Variants in OXR1 observed in about 807,000 individuals in gnomAD.
OXR1 encodes oxidation resistance 1.
In OXR1, 41 loss-of-function variants were observed where a neutral mutation model predicts 104.6. The ratio of observed to expected loss-of-function variants is 0.39; its 90% CI spans 0.31 to 0.51. The LOEUF (loss-of-function observed/expected upper bound fraction) is 0.51, where lower values mean the gene tolerates loss of function less well. OXR1 is among the 20% of genes least tolerant of loss of function. The pLI is 0.77. For synonymous variants in OXR1, 348 were observed against 348.4 expected (o/e 1.00, Z 0.01); for missense variants, 955 against 1,031.9 (o/e 0.93, Z 1.02).
chr8:106,355,331 A>C (rs527627175), intron 1 of OXR1, among the ~76,000 whole-genome samples: 6 of 152,284 alleles, frequency 3.9e-5, no homozygotes, highest in Non-Finnish European at 7.4e-5. Flanking sequence ...TGAACAAAAA[A>C]TTTAAACTTA....
chr8:106,303,542 C>T (rs1289005572), intron 1 of OXR1, among the ~76,000 whole-genome samples: 2 of 151,972 alleles, frequency 1.3e-5, no homozygotes, highest in African/African-American at 2.4e-5. Context: ...CCGGCCGGAA[C>T]TTGGCAATTT....
intron 3 of OXR1, chr8:106,618,316 T>C: frequency 1.3e-6 from 1 of 773,096 alleles, no homozygotes; most frequent in Non-Finnish European, 2.2e-6. Context: ...GACGATGCAG[T>C]TGGAGGTTCT....
At chr8:106,369,307 A>C (rs1816610297) in intron 2 of OXR1, among the ~76,000 whole-genome samples, 1 of 152,252 alleles carries the variant, frequency 6.6e-6, no homozygotes, top group African/African-American at 2.4e-5. Context: ...GACCTTTGTC[A>C]GATGGGTAGA....
intron 1 of OXR1, among the ~76,000 whole-genome samples, chr8:106,288,732 A>G (rs1231737212): frequency 6.8e-6 from 1 of 147,768 alleles, no homozygotes; most frequent in Non-Finnish European, 1.5e-5. Flanking sequence ...ATATATAAAT[A>G]TATAGAGAGA....
intron 6 of OXR1, among the ~76,000 whole-genome samples, chr8:106,685,694 A>AT: frequency 6.7e-6 from 1 of 150,188 alleles, no homozygotes; most frequent in African/African-American, 2.5e-5. Flanking sequence ...CCTGGGATAG[A>AT]TTAAAAAAAA....
intron 2 of OXR1, among the ~76,000 whole-genome samples, chr8:106,492,370 C>T (rs982608431): frequency 7.9e-5 from 12 of 152,256 alleles, no homozygotes; most frequent in Admixed American, 3.3e-4. Context: ...GCTAAAACTT[C>T]GGGTAAAGTG....
chr8:106,739,370 A>C, intron 12 of OXR1, 88 bp from the exon 13 acceptor site: 10 of 1,158,456 alleles, frequency 8.6e-6, no homozygotes, highest in Middle Eastern at 2.2e-4. Context: ...TTTCTACGAT[A>C]TAAAGCTTTA....
At chr8:106,618,215 A>G (rs753501338) in intron 3 of OXR1, 11 of 1,510,806 alleles carry the variant, frequency 7.3e-6, no homozygotes, top group South Asian at 2.4e-5. Context: ...GTGGCTTTAA[A>G]TAAGTTATTT....
intron 3 of OXR1, among the ~76,000 whole-genome samples, chr8:106,534,465 A>G (rs997801784): frequency 2.6e-5 from 4 of 152,272 alleles, no homozygotes; most frequent in African/African-American, 9.6e-5. Context: ...ATACTATAAA[A>G]GAAATGACCA....
chr8:106,310,079 C>T lies in OXR1; in HGVS notation c.-139+39712C>T, dbSNP rs748137743. ...GGAATGATTTTAAATATATATTTTC[C>T]TATATTTTTCAGTTAGTCATAAATT... On this transcript the variant is annotated intron_variant, in intron 1 of 16. Coordinates refer to ENST00000517566, the MANE Select transcript of OXR1 (RefSeq NM_001198533.2). Among the ~76,000 whole-genome samples, 683 of 151,658 alleles carry T rather than the reference C, an allele frequency of 4.5e-3. 3 individuals are homozygous for T. The highest frequency in any genetic ancestry group is 6.1e-3 in the Non-Finnish European group (417 of 67,880).
chr8:106,551,159 T>C (rs1392468009), intron 3 of OXR1, among the ~76,000 whole-genome samples: 2 of 152,216 alleles, frequency 1.3e-5, no homozygotes, highest in South Asian at 2.1e-4. Context: ...AGCAGTTACA[T>C]TTTAAAATAA....
At position 106,446,845 on chromosome 8, in the gene OXR1, T is replaced by A. The variant is rs551872060; in HGVS notation, c.24-72098T>A. ...TACTCTGGAGGCTGAAACAGGAAGATCACTTGAGAGGCTGAGTCTGCAGTG... is the reference window on the plus strand; with the variant it reads ...TACTCTGGAGGCTGAAACAGGAAGAACACTTGAGAGGCTGAGTCTGCAGTG... On this transcript the variant is annotated intron_variant, in intron 2 of 16. Transcript: ENST00000517566. Among the ~76,000 whole-genome samples, 4 of 152,090 alleles carry A rather than the reference T, an allele frequency of 2.6e-5. No individual in the cohort carries two copies. In the East Asian group the frequency reaches 7.8e-4, roughly 29 times the overall value.
At chr8:106,392,310 C>T (rs1455744372) in intron 2 of OXR1, among the ~76,000 whole-genome samples, 2 of 152,084 alleles carry the variant, frequency 1.3e-5, no homozygotes, top group Non-Finnish European at 1.5e-5. Context: ...AAGAGGACTG[C>T]GTTTGAGAGG....
At chr8:106,385,317 G>A (rs1042047294) in intron 2 of OXR1, among the ~76,000 whole-genome samples, 3 of 152,130 alleles carry the variant, frequency 2.0e-5, no homozygotes, top group Non-Finnish European at 2.9e-5. Flanking sequence ...AAGCTGGAGG[G>A]AAGTCTAGAG....
chr8:106,628,170 G>A (rs949755462), intron 3 of OXR1, among the ~76,000 whole-genome samples: 57 of 152,156 alleles, frequency 3.7e-4, no homozygotes, highest in African/African-American at 1.3e-3. Context: ...TATATTCCTA[G>A]AACCTCCTGT....
intron 2 of OXR1, among the ~76,000 whole-genome samples, chr8:106,466,509 A>AT (rs1586677473): frequency 6.6e-6 from 1 of 151,792 alleles, no homozygotes; most frequent in Non-Finnish European, 1.5e-5. Flanking sequence ...TTATCTTTGG[A>AT]TTTTTTTGCT....
intron 9 of OXR1, chr8:106,707,446 A>G (rs1472909654): frequency 7.3e-6 from 4 of 547,188 alleles, no homozygotes; most frequent in Non-Finnish European, 9.6e-6. Context: ...AAAGCTGTAT[A>G]ATACCTTTGA....
At chr8:106,565,500 G>A (rs374267813) in intron 3 of OXR1, among the ~76,000 whole-genome samples, 85 of 152,044 alleles carry the variant, frequency 5.6e-4, no homozygotes, top group African/African-American at 1.9e-3. Context: ...ATGGAAAAAC[G>A]TTCCATGCTC....
intron 3 of OXR1, among the ~76,000 whole-genome samples, chr8:106,603,360 T>C (rs1820116846): frequency 6.6e-6 from 1 of 152,184 alleles, no homozygotes; most frequent in Non-Finnish European, 1.5e-5. Flanking sequence ...TGTATAGTTA[T>C]TTTTACACCT....
Sources: allele counts gnomAD v4.1 joint callset (sites outside exome capture counted in the v4.1 genomes callset), GRCh38; gene constraint gnomAD v4.1.1; transcripts MANE v1.5; gene names NCBI Gene and HGNC (gene_info 2026-07-23, HGNC 2026-07-21).